Variants in LINGO1 observed in about 807,000 individuals in gnomAD.
LINGO1 encodes the protein leucine-rich repeat and immunoglobulin-like domain-containing nogo receptor-interacting protein 1.
A neutral mutation model predicts 37.3 loss-of-function variants in LINGO1; 11 were observed. That is an observed-to-expected ratio of 0.29 (90% CI 0.19 to 0.49). The LOEUF is 0.49. LINGO1 is among the 20% of genes least tolerant of loss of function. The probability of loss-of-function intolerance (pLI) is 0.99; values close to 1 mark genes in which losing one functional copy is unlikely to be tolerated. For missense variants in LINGO1, 585 were observed against 878.2 expected, an observed-to-expected ratio of 0.67 and a Z score of 4.22; for synonymous variants, 387 against 403.0, an observed-to-expected ratio of 0.96 and a Z score of 0.48.
chr15:77,804,689 T>C (rs1161592512), intron 1 of LINGO1, among the ~76,000 whole-genome samples: 2 of 152,146 alleles, frequency 1.3e-5, no homozygotes, highest in Non-Finnish European at 2.9e-5. Context: ...CTGAGAGGTC[T>C]GTGCAGTCTG....
intron 1 of LINGO1, among the ~76,000 whole-genome samples, chr15:77,618,066 A>G (rs2073789382): frequency 6.6e-6 from 1 of 152,224 alleles, no homozygotes; most frequent in South Asian, 2.1e-4. Context: ...CAGGCGATCA[A>G]TAAGTAATTG....
chr15:77,687,246 G>A (rs1315318988), intron 2 of LINGO1, among the ~76,000 whole-genome samples: 1 of 152,148 alleles, frequency 6.6e-6, no homozygotes, highest in Non-Finnish European at 1.5e-5. Flanking sequence ...GTGAGGCTGG[G>A]ATCAACGCTC....
intron 1 of LINGO1, among the ~76,000 whole-genome samples, chr15:77,630,803 G>C (rs575891061): frequency 4.5e-4 from 69 of 152,204 alleles, no homozygotes; most frequent in Non-Finnish European, 8.1e-4. Flanking sequence ...AGGAGGGGCA[G>C]CTGGGTGCTG....
Position 77,613,736 on chromosome 15 carries a change from C to A in LINGO1, c.*308G>T, listed in dbSNP as rs2073584021. 1 of 356,716 alleles carries A rather than the reference C, an allele frequency of 2.8e-6. No homozygotes were observed. The highest frequency in any genetic ancestry group is 4.3e-5 in the East Asian group (1 of 23,154). The allele number at this position is 356,716 out of a possible 1,614,324, so 22.1% of individuals were successfully genotyped here. ...TCCATAATTATTGAAACCCAAGTTA[C>A]AGAGAAAGTTCGTAACTTTTTTATT... On this transcript the variant is annotated 3_prime_UTR_variant, in exon 2 of 2. Coordinates refer to ENST00000355300, the MANE Select transcript of LINGO1 (RefSeq NM_032808.7).
chr15:77,697,202 C>T (rs372463694), upstream of LINGO1, among the ~76,000 whole-genome samples: 2 of 152,154 alleles, frequency 1.3e-5, no homozygotes, highest in African/African-American at 4.8e-5. Context: ...GAAAGGTCTT[C>T]GGGGTCAGGC....
intron 1 of LINGO1, among the ~76,000 whole-genome samples, chr15:77,776,578 C>G (rs2076657604): frequency 8.0e-6 from 1 of 124,374 alleles, no homozygotes; most frequent in Admixed American, 8.2e-5. Flanking sequence ...TGGCAGAGCC[C>G]TCAACTTTGG....
At chr15:77,784,385 A>G (rs189098277) in intron 1 of LINGO1, among the ~76,000 whole-genome samples, 124 of 152,374 alleles carry the variant, frequency 8.1e-4, no homozygotes, top group African/African-American at 2.9e-3. Context: ...AGAGGCTTAC[A>G]GGTAAGGCTG....
At chr15:77,661,255 G>A (rs1427257751) in intron 3 of LINGO1, among the ~76,000 whole-genome samples, 1 of 152,166 alleles carries the variant, frequency 6.6e-6, no homozygotes, top group Non-Finnish European at 1.5e-5. Context: ...TCTCGCATGA[G>A]TGGTGGGATG....
intron 1 of LINGO1, chr15:77,696,197 G>C (rs535311163): frequency 2.0e-5 from 3 of 152,228 alleles, no homozygotes; most frequent in Non-Finnish European, 2.9e-5. Flanking sequence ...TGGGAACCTC[G>C]CATCGTGAGG....
At chr15:77,666,319 T>C (rs921200627) in intron 3 of LINGO1, among the ~76,000 whole-genome samples, 3 of 152,330 alleles carry the variant, frequency 2.0e-5, no homozygotes, top group Non-Finnish European at 2.9e-5. Flanking sequence ...GTGGAGGACC[T>C]GTTGTTAGAA....
intron 1 of LINGO1, among the ~76,000 whole-genome samples, chr15:77,619,000 A>G (rs1838936495): frequency 6.6e-6 from 1 of 152,232 alleles, no homozygotes; most frequent in South Asian, 2.1e-4. Flanking sequence ...GATGATAAGA[A>G]GATAAAAGCT....
intron 3 of LINGO1, among the ~76,000 whole-genome samples, chr15:77,652,483 A>AGTGTGTATGTGTGTGT (rs1555525722): frequency 3.1e-5 from 4 of 128,878 alleles, no homozygotes; most frequent in African/African-American, 1.3e-4. Flanking sequence ...GGGGAGGGAG[A>AGTGTGTATGTGTGTGT]GTGTGTGTGT....
intron 1 of LINGO1, among the ~76,000 whole-genome samples, chr15:77,755,194 C>T (rs745366188): frequency 1.3e-5 from 2 of 152,214 alleles, no homozygotes; most frequent in Non-Finnish European, 2.9e-5. Flanking sequence ...TACTCTGCTC[C>T]TGCCCATCCC....
intron 1 of LINGO1, among the ~76,000 whole-genome samples, chr15:77,617,803 G>A (rs141427689): frequency 7.9e-4 from 120 of 152,362 alleles, no homozygotes; most frequent in Admixed American, 2.1e-3. Flanking sequence ...CAGGACTGAC[G>A]GGAGCTTCGT....
intron 1 of LINGO1, among the ~76,000 whole-genome samples, chr15:77,739,699 C>T (rs572492318): frequency 7.9e-5 from 12 of 152,366 alleles, no homozygotes; most frequent in African/African-American, 2.9e-4. Flanking sequence ...CTCAGTCCAC[C>T]TGTTCTCAAA....
intron 2 of LINGO1, among the ~76,000 whole-genome samples, chr15:77,686,908 C>T (rs1231172663): frequency 6.6e-6 from 1 of 152,240 alleles, no homozygotes; most frequent in East Asian, 1.9e-4. Flanking sequence ...GGGATCATGG[C>T]TGATTCCTCT....
At chr15:77,760,347 C>A (rs917412817) in intron 1 of LINGO1, among the ~76,000 whole-genome samples, 1 of 152,236 alleles carries the variant, frequency 6.6e-6, no homozygotes, top group African/African-American at 2.4e-5. Flanking sequence ...AGGCTTCAGT[C>A]CCTGTCTGCA....
chr15:77,790,241 A>T (rs1183126528), upstream of LINGO1, among the ~76,000 whole-genome samples: 1 of 152,094 alleles, frequency 6.6e-6, no homozygotes, highest in Non-Finnish European at 1.5e-5. Flanking sequence ...CACTGGACAC[A>T]CCCCTGCCCC....
intron 1 of LINGO1, among the ~76,000 whole-genome samples, chr15:77,811,884 C>T (rs1016937160): frequency 2.0e-5 from 3 of 151,966 alleles, no homozygotes; most frequent in East Asian, 1.9e-4. Flanking sequence ...GAAGGGTATA[C>T]GGAGTTCCCT....
Sources: allele counts gnomAD v4.1 joint callset (sites outside exome capture counted in the v4.1 genomes callset), GRCh38; gene constraint gnomAD v4.1.1; transcripts MANE v1.5; gene names NCBI Gene and HGNC (gene_info 2026-07-23, HGNC 2026-07-21).